Variants in EPHB1 observed in about 807,000 individuals in gnomAD.
The protein encoded by EPHB1 is ephrin type-B receptor 1.
A neutral mutation model predicts 94.4 loss-of-function variants in EPHB1; 30 were observed. The observed-to-expected ratio is 0.32, with a 90% CI of 0.24 to 0.43. The LOEUF (loss-of-function observed/expected upper bound fraction) is 0.43, where lower values mean the gene tolerates loss of function less well. Among genes scored for constraint, EPHB1 ranks in the 20% least tolerant of loss-of-function variants. EPHB1 has a pLI of 1.00. For missense variants in EPHB1, 1,055 were observed against 1,308.3 expected (o/e 0.81, Z 2.99); for synonymous variants, 522 against 489.1 (o/e 1.07, Z -0.89).
chr3:134,858,001 G>T (rs1325341238), intron 1 of EPHB1, among the ~76,000 whole-genome samples: 2 of 152,092 alleles, frequency 1.3e-5, no homozygotes, highest in African/African-American at 2.4e-5. Context: ...ACCTGGTCAG[G>T]GTGGTTTCAT....
At chr3:135,073,920 A>T (rs904965292) in intron 3 of EPHB1, among the ~76,000 whole-genome samples, 7 of 152,192 alleles carry the variant, frequency 4.6e-5, no homozygotes, top group African/African-American at 1.7e-4. Flanking sequence ...GAAGTAAAAA[A>T]GTTTGATAAG....
At chr3:134,968,077 G>A (rs1559776016) in intron 3 of EPHB1, among the ~76,000 whole-genome samples, 1 of 152,218 alleles carries the variant, frequency 6.6e-6, no homozygotes, top group Non-Finnish European at 1.5e-5. Context: ...AGCCATAGAA[G>A]TATAGTTTTA....
At chr3:134,814,355 A>T (rs1198631167) in intron 1 of EPHB1, among the ~76,000 whole-genome samples, 1 of 152,176 alleles carries the variant, frequency 6.6e-6, no homozygotes. Flanking sequence ...ATCATGAGTG[A>T]GAAGTAGCAG....
At chr3:134,908,789 G>A (rs2038389735) in intron 1 of EPHB1, among the ~76,000 whole-genome samples, 2 of 152,020 alleles carry the variant, frequency 1.3e-5, no homozygotes, top group South Asian at 4.1e-4. Flanking sequence ...AATGAGGAAG[G>A]GCACCTACAG....
At chr3:135,205,059 A>G (rs1418324964) in intron 12 of EPHB1, among the ~76,000 whole-genome samples, 1 of 151,226 alleles carries the variant, frequency 6.6e-6, no homozygotes, top group Admixed American at 6.6e-5. Context: ...ATCTTTCTGT[A>G]CCTGGCTTAT....
intron 1 of EPHB1, among the ~76,000 whole-genome samples, chr3:134,920,582 G>A (rs1447165943): frequency 6.6e-6 from 1 of 152,170 alleles, no homozygotes; most frequent in African/African-American, 2.4e-5. Context: ...TTACCATGAT[G>A]GAAGGACACT....
At chr3:135,001,318 G>A (rs1227281861) in intron 3 of EPHB1, among the ~76,000 whole-genome samples, 1 of 152,196 alleles carries the variant, frequency 6.6e-6, no homozygotes, top group African/African-American at 2.4e-5. Context: ...GTTGCTAACA[G>A]TGAGCTCTGT....
intron 1 of EPHB1, among the ~76,000 whole-genome samples, chr3:134,798,910 T>C (rs1011370430): frequency 6.6e-6 from 1 of 152,186 alleles, no homozygotes; most frequent in African/African-American, 2.4e-5. Context: ...GGAGTACCCA[T>C]GCACCTGCAG....
At chr3:135,000,839 G>A (rs994361381) in intron 3 of EPHB1, among the ~76,000 whole-genome samples, 3 of 152,116 alleles carry the variant, frequency 2.0e-5, no homozygotes, top group Admixed American at 6.5e-5. Context: ...TTGATTTTTT[G>A]TGGTCCTATG....
chr3:134,891,114 T>C (rs2037973477), intron 1 of EPHB1, among the ~76,000 whole-genome samples: 1 of 152,226 alleles, frequency 6.6e-6, no homozygotes, highest in African/African-American at 2.4e-5. Flanking sequence ...CTTGTTCTTA[T>C]ATTTTTTTTA....
intron 9 of EPHB1, among the ~76,000 whole-genome samples, chr3:135,172,031 A>G (rs984555610): frequency 3.3e-5 from 5 of 152,198 alleles, no homozygotes; most frequent in African/African-American, 1.2e-4. Context: ...AGAAAAGGTG[A>G]TATATAAACA....
chr3:134,961,576 CA>C (rs1352403218), intron 3 of EPHB1, among the ~76,000 whole-genome samples: 1 of 152,170 alleles, frequency 6.6e-6, no homozygotes, highest in Admixed American at 6.5e-5. Context: ...CTCTCATTGT[CA>C]GTTTCTAATA....
chr3:135,046,453 G>A (rs531955874), intron 3 of EPHB1, among the ~76,000 whole-genome samples: 9 of 151,458 alleles, frequency 5.9e-5, no homozygotes, highest in Admixed American at 2.6e-4. Flanking sequence ...ATGTTTGATC[G>A]TCTTAACATC....
chr3:135,150,415 C>T (rs1024493956), intron 5 of EPHB1, among the ~76,000 whole-genome samples: 4 of 152,220 alleles, frequency 2.6e-5, no homozygotes, highest in African/African-American at 2.4e-5. Context: ...CTCGCCTTCC[C>T]TGAACTGTCT....
chr3:134,802,350 A>G (rs558469938), intron 1 of EPHB1, among the ~76,000 whole-genome samples: 1 of 146,474 alleles, frequency 6.8e-6, no homozygotes, highest in East Asian at 2.0e-4. Context: ...TGTCTCACGA[A>G]AAAAAAAAAA....
intron 3 of EPHB1, among the ~76,000 whole-genome samples, chr3:135,017,599 G>T (rs1935846401): frequency 6.6e-6 from 1 of 152,026 alleles, no homozygotes. Flanking sequence ...GGGGGACTGG[G>T]GTATGCCCTC....
At chr3:135,014,861 G>A (rs937287461) in intron 3 of EPHB1, among the ~76,000 whole-genome samples, 3 of 152,176 alleles carry the variant, frequency 2.0e-5, no homozygotes, top group African/African-American at 7.2e-5. Context: ...TCTCTTTTAT[G>A]AGTTGTTATA....
At chr3:134,918,439 A>G (rs2038614517) in intron 1 of EPHB1, among the ~76,000 whole-genome samples, 1 of 152,242 alleles carries the variant, frequency 6.6e-6, no homozygotes, top group Non-Finnish European at 1.5e-5. Flanking sequence ...AGGAATGAGA[A>G]GTGATGAAAG....
At chr3:135,228,099 A>G (rs1431097622) in intron 12 of EPHB1, among the ~76,000 whole-genome samples, 1 of 152,192 alleles carries the variant, frequency 6.6e-6, no homozygotes, top group South Asian at 2.1e-4. Flanking sequence ...AATTTTGTCA[A>G]TTGACCCAAA....
Sources: gnomAD v4.1 joint callset for allele counts (sites outside exome capture counted in the v4.1 genomes callset) on GRCh38, gnomAD v4.1.1 for gene constraint, MANE v1.5 for transcripts, NCBI Gene and HGNC (gene_info 2026-07-23, HGNC 2026-07-21) for gene names.